Variants in PCDHA3 observed in about 807,000 individuals in gnomAD.
PCDHA3 encodes the protein protocadherin alpha-3.
PCDHA3 carries 41 observed loss-of-function variants against 62.2 expected under a neutral mutation model. That is an observed-to-expected ratio of 0.66 (90% CI 0.51 to 0.86). The LOEUF is 0.86. Among genes scored for constraint, PCDHA3 ranks in the 40% least tolerant of loss-of-function variants. PCDHA3 has a pLI of 0.00. For missense variants in PCDHA3, 1,304 were observed against 1,241.2 expected (o/e 1.05, Z -0.76); for synonymous variants, 640 against 555.4 (o/e 1.15, Z -2.14).
intron 1 of PCDHA3, among the ~76,000 whole-genome samples, chr5:140,953,431 G>A (rs782512202): frequency 6.6e-5 from 10 of 152,088 alleles, no homozygotes; most frequent in Non-Finnish European, 1.2e-4. Flanking sequence ...TTGTCCTTAA[G>A]CTGGAGAAAC....
chr5:140,822,992 T>G, intron 1 of PCDHA3: 1 of 1,614,216 alleles, frequency 6.2e-7, no homozygotes, highest in Non-Finnish European at 8.5e-7. Context: ...TACTACTCGT[T>G]GGTGCTGGAC....
chr5:140,864,096 T>A (rs1459291547), intron 1 of PCDHA3: 1 of 152,388 alleles, frequency 6.6e-6, no homozygotes, highest in South Asian at 2.1e-4. Context: ...TTGATAAGTA[T>A]AATGATAATA....
intron 1 of PCDHA3, among the ~76,000 whole-genome samples, chr5:140,964,205 T>C (rs1483183685): frequency 6.6e-6 from 1 of 152,212 alleles, no homozygotes; most frequent in Admixed American, 6.5e-5. Context: ...TACCATCTCT[T>C]TAGTACAATG....
intron 3 of PCDHA3, among the ~76,000 whole-genome samples, chr5:140,997,495 C>T (rs1255911617): frequency 6.6e-6 from 1 of 152,078 alleles, no homozygotes; most frequent in East Asian, 1.9e-4. Context: ...ATTTGTGTAT[C>T]TCAACATACC....
intron 1 of PCDHA3, chr5:140,875,336 G>T: frequency 7.0e-7 from 1 of 1,438,564 alleles, no homozygotes; most frequent in Non-Finnish European, 9.1e-7. Context: ...GAATAGGATC[G>T]ACTCCATAAT....
intron 1 of PCDHA3, among the ~76,000 whole-genome samples, chr5:140,900,283 C>A (rs1325528461): frequency 6.6e-6 from 1 of 151,666 alleles, no homozygotes; most frequent in Non-Finnish European, 1.5e-5. Flanking sequence ...ACCACACTTT[C>A]TTTTCTGTTT....
At chr5:140,836,251 G>T (rs1183967538) in intron 1 of PCDHA3, 39 of 1,613,668 alleles carry the variant, frequency 2.4e-5, no homozygotes, top group Middle Eastern at 3.3e-4. Context: ...ATCCCGTTCC[G>T]CGTGGGGCTG....
At chr5:140,956,141 C>A (rs1181002106) in intron 1 of PCDHA3, among the ~76,000 whole-genome samples, 2 of 152,122 alleles carry the variant, frequency 1.3e-5, no homozygotes, top group Non-Finnish European at 2.9e-5. Context: ...CCCTTTATTT[C>A]TTTCTCTTTC....
intron 1 of PCDHA3, chr5:140,836,768 A>G: frequency 9.0e-6 from 14 of 1,555,112 alleles, no homozygotes; most frequent in Non-Finnish European, 1.2e-5. Flanking sequence ...GTTTCCAACA[A>G]TTTTAAAACA....
At chr5:140,830,546 A>G (rs2150187698) in intron 1 of PCDHA3, 3 of 1,142,724 alleles carry the variant, frequency 2.6e-6, no homozygotes, top group Non-Finnish European at 3.5e-6. Flanking sequence ...TGTTTTCCTC[A>G]TATTTGTCTT....
chr5:140,881,445 A>C, intron 1 of PCDHA3: 1 of 783,070 alleles, frequency 1.3e-6, no homozygotes, highest in Non-Finnish European at 1.6e-6. Flanking sequence ...TAAAAACAGA[A>C]TCCAAAACCT....
chr5:140,960,740 C>T (rs949372581), intron 1 of PCDHA3, among the ~76,000 whole-genome samples: 1 of 151,868 alleles, frequency 6.6e-6, no homozygotes, highest in South Asian at 2.1e-4. Flanking sequence ...GATTTTAGTC[C>T]ATGGCTAAAA....
At chr5:140,876,673 T>C (rs1554168774) in intron 1 of PCDHA3, 1 of 1,614,206 alleles carries the variant, frequency 6.2e-7, no homozygotes, top group Non-Finnish European at 8.5e-7. Flanking sequence ...GGTGTCCACC[T>C]ACAAGAATTA....
At chr5:140,887,757 C>T (rs1303665192) in intron 1 of PCDHA3, among the ~76,000 whole-genome samples, 16 of 152,166 alleles carry the variant, frequency 1.1e-4, no homozygotes, top group Admixed American at 9.8e-4. Flanking sequence ...TCCAGTAACA[C>T]ATATGTTACA....
intron 1 of PCDHA3, chr5:140,882,663 T>C (rs782768442): frequency 4.0e-5 from 65 of 1,614,026 alleles, no homozygotes; most frequent in Non-Finnish European, 5.3e-5. Flanking sequence ...AACCCGCCCA[T>C]ATTCCCTGAA....
At chr5:140,809,539 T>C (rs782730163) in intron 1 of PCDHA3, 2 of 1,613,728 alleles carry the variant, frequency 1.2e-6, no homozygotes, top group Non-Finnish European at 1.7e-6. Context: ...ACAGAGAAGA[T>C]CAGCTGCAGA....
intron 1 of PCDHA3, chr5:140,803,880 T>C (rs1458588945): frequency 5.5e-6 from 3 of 549,310 alleles, no homozygotes; most frequent in Non-Finnish European, 9.5e-6. Context: ...TATTTTTTCT[T>C]AGATGAATTG....
At chr5:140,986,437 G>A (rs1554248053) in intron 3 of PCDHA3, among the ~76,000 whole-genome samples, 2 of 152,182 alleles carry the variant, frequency 1.3e-5, no homozygotes, top group Admixed American at 6.5e-5. Flanking sequence ...GAGTACTAAT[G>A]CCCTGAAGAG....
chr5:140,926,915 T>A, intron 1 of PCDHA3: 1 of 1,563,726 alleles, frequency 6.4e-7, no homozygotes, highest in Non-Finnish European at 8.7e-7. Flanking sequence ...GGGGTGGCAG[T>A]TTTATGTTTG....
Sources: gnomAD v4.1 joint callset for allele counts (sites outside exome capture counted in the v4.1 genomes callset) on GRCh38, gnomAD v4.1.1 for gene constraint, MANE v1.5 for transcripts, NCBI Gene and HGNC (gene_info 2026-07-23, HGNC 2026-07-21) for gene names.